CCBE1: variants seen among roughly 807,000 people sequenced by gnomAD.
CCBE1 encodes collagen and calcium-binding EGF domain-containing protein 1.
CCBE1 carries 37 observed loss-of-function variants against 50.0 expected under a neutral mutation model. The ratio of observed to expected loss-of-function variants is 0.74; its 90% CI spans 0.57 to 0.97. The LOEUF (loss-of-function observed/expected upper bound fraction) is 0.97. Ranked by LOEUF, CCBE1 falls within the 50% of genes least tolerant of loss-of-function variation. CCBE1 has a pLI of 0.00. For synonymous variants in CCBE1, 234 were observed against 203.7 expected, an observed-to-expected ratio of 1.15 and a Z score of -1.27; for missense variants, 538 against 523.8, an observed-to-expected ratio of 1.03 and a Z score of -0.26.
At chr18:59,489,416 T>G (rs1912983754) in intron 2 of CCBE1, among the ~76,000 whole-genome samples, 1 of 140,116 alleles carries the variant, frequency 7.1e-6, no homozygotes, top group South Asian at 2.2e-4. Context: ...CTTCTTTTTA[T>G]TTATTTATTT....
At chr18:59,592,498 A>T (rs2851844) in intron 2 of CCBE1, among the ~76,000 whole-genome samples, 12,867 of 152,324 alleles carry the variant, frequency 0.084, 573 homozygotes, top group East Asian at 0.13. Flanking sequence ...ATCTGCAAAA[A>T]AAGAAGATCC....
intron 2 of CCBE1, among the ~76,000 whole-genome samples, chr18:59,683,421 C>T (rs978089917): frequency 6.6e-6 from 1 of 152,096 alleles, no homozygotes; most frequent in African/African-American, 2.4e-5. Context: ...GTTGGCCAGG[C>T]GGGGTGGCTC....
At chr18:59,468,372 G>A (rs1328669756) in intron 4 of CCBE1, among the ~76,000 whole-genome samples, 1 of 152,160 alleles carries the variant, frequency 6.6e-6, no homozygotes, top group African/African-American at 2.4e-5. Flanking sequence ...GCAACAGAGT[G>A]TGACCCTGTC....
At chr18:59,690,203 T>A (rs1214017376) in intron 2 of CCBE1, among the ~76,000 whole-genome samples, 1 of 152,170 alleles carries the variant, frequency 6.6e-6, no homozygotes, top group African/African-American at 2.4e-5. Flanking sequence ...AAGTATTCGT[T>A]GACTAAGTAA....
chr18:59,561,005 G>A lies in CCBE1; in HGVS notation c.213-80767C>T, dbSNP rs73961244. 2.6e-3 allele frequency among the ~76,000 whole-genome samples: 397 copies of A among 152,290 alleles called. 1 individual carries two copies. The highest frequency in any genetic ancestry group is 8.7e-3 in the African/African-American group (362 of 41,550). Reference sequence around the variant, plus strand: ...CTGAGCCTTCACTGATAGGAAGAGCGTCCCCCCATTCCAAATGGGACATGG... The same window carrying A: ...CTGAGCCTTCACTGATAGGAAGAGCATCCCCCCATTCCAAATGGGACATGG... On this transcript the variant is annotated intron_variant, in intron 2 of 10. Transcript: ENST00000439986.
At chr18:59,522,090 T>C (rs150856093) in intron 2 of CCBE1, among the ~76,000 whole-genome samples, 11 of 152,086 alleles carry the variant, frequency 7.2e-5, no homozygotes, top group Middle Eastern at 3.4e-3. Flanking sequence ...GGCTACATTA[T>C]ATTCCATCAG....
intron 7 of CCBE1, among the ~76,000 whole-genome samples, chr18:59,440,434 C>T (rs1910370051): frequency 6.6e-6 from 1 of 152,180 alleles, no homozygotes; most frequent in South Asian, 2.1e-4. Flanking sequence ...TCTGCTAGGC[C>T]TTCCTTATAT....
intron 2 of CCBE1, among the ~76,000 whole-genome samples, chr18:59,601,878 C>T (rs1052327805): frequency 1.3e-5 from 2 of 152,204 alleles, no homozygotes; most frequent in African/African-American, 4.8e-5. Context: ...ACACACCCTT[C>T]AACACCCTCC....
chr18:59,482,352 G>A (rs1456543674), intron 2 of CCBE1, among the ~76,000 whole-genome samples: 1 of 152,192 alleles, frequency 6.6e-6, no homozygotes, highest in African/African-American at 2.4e-5. Context: ...TGGTAGGAGT[G>A]TAAATTAGTT....
chr18:59,662,793 A>G (rs2054302063), intron 2 of CCBE1, among the ~76,000 whole-genome samples: 1 of 152,252 alleles, frequency 6.6e-6, no homozygotes. Context: ...CAGGTAATAC[A>G]TAAAAAGGTG....
chr18:59,494,287 C>T (rs1343259926), intron 2 of CCBE1, among the ~76,000 whole-genome samples: 1 of 152,174 alleles, frequency 6.6e-6, no homozygotes, highest in Non-Finnish European at 1.5e-5. Context: ...CCAGGGTGGC[C>T]CAAATCCACT....
At chr18:59,585,500 G>A (rs1379766757) in intron 2 of CCBE1, among the ~76,000 whole-genome samples, 1 of 152,134 alleles carries the variant, frequency 6.6e-6, no homozygotes, top group Non-Finnish European at 1.5e-5. Flanking sequence ...AAAATAACTG[G>A]TGGATGAGTG....
At chr18:59,662,660 G>A (rs2054300284) in intron 2 of CCBE1, among the ~76,000 whole-genome samples, 1 of 152,212 alleles carries the variant, frequency 6.6e-6, no homozygotes. Context: ...GCAGGTTCAG[G>A]GAGACCATGA....
At chr18:59,460,890 G>A (rs982903578) in intron 5 of CCBE1, among the ~76,000 whole-genome samples, 4 of 151,558 alleles carry the variant, frequency 2.6e-5, no homozygotes, top group Admixed American at 1.3e-4. Flanking sequence ...AGCGGATATC[G>A]CGCCACTGCA....
chr18:59,664,165 G>C (rs1221144690), intron 2 of CCBE1, among the ~76,000 whole-genome samples: 1 of 152,094 alleles, frequency 6.6e-6, no homozygotes, highest in Non-Finnish European at 1.5e-5. Flanking sequence ...GGAAGGACAA[G>C]GCAGCCCTAT....
chr18:59,438,608 T>A (rs1049098210), intron 9 of CCBE1, among the ~76,000 whole-genome samples: 3 of 152,256 alleles, frequency 2.0e-5, no homozygotes, highest in East Asian at 3.9e-4. Flanking sequence ...AAAACACATG[T>A]GAGAATCACA....
chr18:59,667,433 C>T (rs1253125328), intron 2 of CCBE1, among the ~76,000 whole-genome samples: 1 of 152,102 alleles, frequency 6.6e-6, no homozygotes. Context: ...GGTAAGAATG[C>T]CAACCCAGGA....
chr18:59,561,104 G>A (rs1453551024), intron 2 of CCBE1, among the ~76,000 whole-genome samples: 1 of 152,202 alleles, frequency 6.6e-6, no homozygotes, highest in Non-Finnish European at 1.5e-5. Context: ...TGGAAACAGA[G>A]TACTGAATGA....
chr18:59,623,988 A>G (rs923053311), intron 2 of CCBE1, among the ~76,000 whole-genome samples: 1 of 152,224 alleles, frequency 6.6e-6, no homozygotes, highest in Non-Finnish European at 1.5e-5. Flanking sequence ...CAGGACCACT[A>G]GGAGTAACCT....
Sources: gnomAD v4.1 joint callset for allele counts (sites outside exome capture counted in the v4.1 genomes callset) on GRCh38, gnomAD v4.1.1 for gene constraint, MANE v1.5 for transcripts, NCBI Gene and HGNC (gene_info 2026-07-23, HGNC 2026-07-21) for gene names.